ANK3: variants seen among roughly 807,000 people sequenced by gnomAD.
ANK3 encodes ankyrin-3.
In ANK3, 57 loss-of-function variants were observed where a neutral mutation model predicts 370.9. The observed-to-expected ratio is 0.15, with a 90% CI of 0.12 to 0.19. The LOEUF (loss-of-function observed/expected upper bound fraction) is 0.19. ANK3 is among the 10% of genes least tolerant of loss of function. The pLI is 1.00. For synonymous variants in ANK3, 1,929 were observed against 1,946.3 expected, an observed-to-expected ratio of 0.99 and a Z score of 0.23; for missense variants, 4,439 against 5,302.1, an observed-to-expected ratio of 0.84 and a Z score of 5.06.
chr10:60,693,060 C>A (rs1043993665), intron 1 of ANK3, among the ~76,000 whole-genome samples: 1 of 152,194 alleles, frequency 6.6e-6, no homozygotes, highest in African/African-American at 2.4e-5. Context: ...CATGCACGAG[C>A]CGAAGCAGGG....
At chr10:60,552,177 C>A (rs552177409) in intron 2 of ANK3, among the ~76,000 whole-genome samples, 5 of 152,202 alleles carry the variant, frequency 3.3e-5, no homozygotes, top group Admixed American at 2.6e-4. Flanking sequence ...TCAGAGACAG[C>A]AAGATATTAT....
intron 17 of ANK3, among the ~76,000 whole-genome samples, chr10:60,183,541 A>AT (rs2096252673): frequency 6.6e-6 from 1 of 152,146 alleles, no homozygotes; most frequent in Non-Finnish European, 1.5e-5. Flanking sequence ...CTTTTATGGC[A>AT]TTTTGATCAT....
At chr10:60,246,988 G>C (rs1354207739) in intron 7 of ANK3, among the ~76,000 whole-genome samples, 1 of 152,070 alleles carries the variant, frequency 6.6e-6, no homozygotes, top group Non-Finnish European at 1.5e-5. Context: ...AGATGTTACA[G>C]ATGACTGGGT....
chr10:60,368,408 C>G (rs769542281), intron 1 of ANK3, among the ~76,000 whole-genome samples: 29 of 152,072 alleles, frequency 1.9e-4, no homozygotes, highest in Non-Finnish European at 3.8e-4. Context: ...TGATAGATAC[C>G]AAGGCAAACA....
intron 7 of ANK3, among the ~76,000 whole-genome samples, chr10:60,251,103 G>A (rs2097657273): frequency 6.6e-6 from 1 of 152,290 alleles, no homozygotes; most frequent in African/African-American, 2.4e-5. Flanking sequence ...CACACCTCAT[G>A]AAATTATGAA....
chr10:60,277,134 T>G (rs1484342888), intron 4 of ANK3, among the ~76,000 whole-genome samples: 1 of 152,210 alleles, frequency 6.6e-6, no homozygotes, highest in Admixed American at 6.5e-5. Context: ...TTCCTTTTCT[T>G]TGACTCTGAC....
At chr10:60,169,860 T>C (rs1186137761) in intron 21 of ANK3, among the ~76,000 whole-genome samples, 1 of 152,212 alleles carries the variant, frequency 6.6e-6, no homozygotes, top group East Asian at 1.9e-4. Flanking sequence ...TTAATTCATA[T>C]GTCCCTTCAA....
intron 23 of ANK3, among the ~76,000 whole-genome samples, chr10:60,155,187 G>A (rs1222935573): frequency 6.6e-6 from 1 of 152,100 alleles, no homozygotes; most frequent in Non-Finnish European, 1.5e-5. Flanking sequence ...AGCTCAGAAA[G>A]ACAGTCTTGC....
At chr10:60,578,122 T>C (rs931986450) in intron 2 of ANK3, among the ~76,000 whole-genome samples, 1 of 152,246 alleles carries the variant, frequency 6.6e-6, no homozygotes, top group Non-Finnish European at 1.5e-5. Context: ...ACCAGGTCCA[T>C]AGCAGGATTT....
chr10:60,217,483 ACTT>A (rs1352137300), intron 8 of ANK3, among the ~76,000 whole-genome samples: 1 of 152,128 alleles, frequency 6.6e-6, no homozygotes, highest in African/African-American at 2.4e-5. Flanking sequence ...GTTTCAAAGA[ACTT>A]CTTGATTTCT....
chr10:60,212,879 A>G (rs1222113174), intron 9 of ANK3, among the ~76,000 whole-genome samples: 2 of 152,172 alleles, frequency 1.3e-5, no homozygotes, highest in African/African-American at 4.8e-5. Flanking sequence ...TATTAAAAAA[A>G]AGTCTAAAAG....
intron 2 of ANK3, among the ~76,000 whole-genome samples, chr10:60,397,777 C>T (rs556955402): frequency 1.5e-4 from 23 of 152,036 alleles, no homozygotes; most frequent in Admixed American, 7.9e-4. Context: ...ATCACAAGAA[C>T]GATTAAAGTT....
At chr10:60,166,712 A>G (rs2095633586) in intron 22 of ANK3, 59 bp from the exon 23 acceptor site, 2 of 1,594,624 alleles carry the variant, frequency 1.3e-6, no homozygotes, top group African/African-American at 1.3e-5. Context: ...TGATATTACA[A>G]CAAAACGTTT....
rs761448157 is a variant in ANK3 at position 60,055,651 on chromosome 10, G to C, written c.13065+7C>G. 1.3e-6 allele frequency: 2 copies of C among 1,596,494 alleles called. No individual in the cohort carries two copies. The highest frequency in any genetic ancestry group is 4.5e-5 in the East Asian group (2 of 44,774). Reference sequence around the variant, plus strand: ...AATGACTGCTACCGGATGACCAGATGACGTACCTTTTGCTCAGACCCACTG... The same window carrying C: ...AATGACTGCTACCGGATGACCAGATCACGTACCTTTTGCTCAGACCCACTG... On this transcript the variant is annotated splice_region_variant and intron_variant, in intron 42 of 43. Coordinates refer to ENST00000280772, the MANE Select transcript of ANK3 (RefSeq NM_020987.5).
intron 1 of ANK3, among the ~76,000 whole-genome samples, chr10:60,670,182 C>A (rs368592226): frequency 9.2e-5 from 14 of 152,224 alleles, no homozygotes; most frequent in South Asian, 6.2e-4. Context: ...TGACCTCCCC[C>A]CAAACAACTG....
rs1355063130 is a variant in ANK3, at chr10:60,070,816, G to A, written c.10065C>T (p.Ser3355=). ...CATTACTTTCCAGTTCTTTCTGGTTGGAAGCCTTTTCAGCAGAAGCTTTGG... is the reference window on the plus strand; with the variant it reads ...CATTACTTTCCAGTTCTTTCTGGTTAGAAGCCTTTTCAGCAGAAGCTTTGG... ...EKPKASAEKA[S]NQKELESNGS... The change falls in exon 37 of 44, where the codon TCC becomes TCT. Residue 3355 remains serine (S), a synonymous_variant. Coordinates refer to ENST00000280772, the MANE Select transcript of ANK3 (RefSeq NM_020987.5). This position sits in a 1 kb window ranked among gnomAD's most constrained non-coding sequence, Gnocchi z 5.7. The A allele has an allele frequency of 6.2e-7, 1 of 1,614,094 alleles. No individual in the cohort carries two copies. Among genetic ancestry groups the A allele is most frequent in the Admixed American group, 1.7e-5 (1 of 59,998 alleles).
chr10:60,215,847 T>C (rs1170962473), intron 8 of ANK3, among the ~76,000 whole-genome samples: 3 of 152,192 alleles, frequency 2.0e-5, no homozygotes. Flanking sequence ...TTTGATTCCA[T>C]ATGACATTTA....
chr10:60,165,107 G>T (rs949488726), intron 23 of ANK3, among the ~76,000 whole-genome samples: 3 of 152,064 alleles, frequency 2.0e-5, no homozygotes, highest in Non-Finnish European at 4.4e-5. Context: ...TCATCAATGG[G>T]GATAATTTTA....
intron 1 of ANK3, among the ~76,000 whole-genome samples, chr10:60,717,717 A>G (rs2079809758): frequency 6.6e-6 from 1 of 152,224 alleles, no homozygotes; most frequent in Non-Finnish European, 1.5e-5. Context: ...TGACTCTGAA[A>G]GCCCTTCAAC....
Sources: allele counts gnomAD v4.1 joint callset (sites outside exome capture counted in the v4.1 genomes callset), GRCh38; gene constraint gnomAD v4.1.1; non-coding constraint Gnocchi (gnomAD v3.1); transcripts MANE v1.5; gene names NCBI Gene and HGNC (gene_info 2026-07-23, HGNC 2026-07-21).